USP8: variants seen among roughly 807,000 people sequenced by gnomAD.
The protein encoded by USP8 is ubiquitin specific peptidase 8, also known as ubiquitin carboxyl-terminal hydrolase 8.
In USP8, 27 loss-of-function variants were observed where a neutral mutation model predicts 130.0. The ratio of observed to expected loss-of-function variants is 0.21; its 90% CI spans 0.15 to 0.29. The LOEUF (loss-of-function observed/expected upper bound fraction) is 0.29. USP8 is among the 10% of genes least tolerant of loss of function. USP8 has a pLI of 1.00. For synonymous variants in USP8, 392 were observed against 444.1 expected, an observed-to-expected ratio of 0.88 and a Z score of 1.48; for missense variants, 1,029 against 1,312.2, an observed-to-expected ratio of 0.78 and a Z score of 3.33.
chr15:50,461,591 A>G (rs2051007863), intron 5 of USP8, among the ~76,000 whole-genome samples: 1 of 152,208 alleles, frequency 6.6e-6, no homozygotes, highest in Non-Finnish European at 1.5e-5. Context: ...ACAGCGGCTC[A>G]TGCCTATAAT....
chr15:50,449,628 C>A (rs909320027), intron 4 of USP8, 143 bp downstream of exon 4: 2 of 469,102 alleles, frequency 4.3e-6, no homozygotes, highest in African/African-American at 2.1e-5. Context: ...GTCGCCCATG[C>A]TGGAGTGCAG....
chr15:50,495,120 A>C (rs539026829), intron 16 of USP8, among the ~76,000 whole-genome samples: 1 of 151,910 alleles, frequency 6.6e-6, no homozygotes, highest in African/African-American at 2.4e-5. Context: ...CTCCATTTAC[A>C]TACTACAACT....
intron 3 of USP8, among the ~76,000 whole-genome samples, chr15:50,446,180 G>A (rs970297029): frequency 6.6e-6 from 1 of 152,160 alleles, no homozygotes; most frequent in Admixed American, 6.5e-5. Context: ...AACCTCAGAA[G>A]CAAACATTTT....
intron 12 of USP8, among the ~76,000 whole-genome samples, chr15:50,488,552 CTTTTTTTTTTTTTTTTTTTT>C (rs397853938): frequency 1.4e-5 from 1 of 70,894 alleles, no homozygotes; most frequent in Non-Finnish European, 2.5e-5. Context: ...TCAAGGTTGG[CTTTTTTTTTTTTTTTTTTTT>C]TTTTTTTTTG....
chr15:50,498,546 C>A, intron 18 of USP8, 50 bp from the exon 19 acceptor site: 1 of 1,528,726 alleles, frequency 6.5e-7, no homozygotes. Context: ...AATGAGGATT[C>A]ATCCTGGTAT....
intron 1 of USP8, among the ~76,000 whole-genome samples, chr15:50,426,078 G>A (rs1432208703): frequency 2.0e-5 from 3 of 152,112 alleles, no homozygotes; most frequent in African/African-American, 7.2e-5. Flanking sequence ...CCGAGATTGC[G>A]TCATTGCACT....
At chr15:50,480,733 T>G (rs941879525) in intron 10 of USP8, among the ~76,000 whole-genome samples, 6 of 151,790 alleles carry the variant, frequency 4.0e-5, no homozygotes, top group Admixed American at 1.3e-4. Context: ...ATGGTAAAGA[T>G]TTTAGGTGTA....
Position 50,471,694 on chromosome 15 carries a change from A to T in USP8, c.748A>T (p.Arg250Trp). The change falls in exon 8 of 20, where the codon AGG (arginine) becomes TGG (tryptophan). Residue 250 changes from arginine to tryptophan, a missense_variant. Around this residue, in one of 4 missense-constraint regions of USP8, gnomAD observed 281 missense variants for 336.7 expected, o/e 0.83. Transcript: ENST00000307179. ...TGATTCTAAAGACACATGGAAGAAG[A>T]GGGGGAATGTGGAGTATGTGGTACT... ...PDDSKDTWKK[R>W]GNVEYVVLLD... 1 of 1,614,048 alleles carries T rather than the reference A, an allele frequency of 6.2e-7. No individual in the cohort carries two copies. The highest frequency in any genetic ancestry group is 8.5e-7 in the Non-Finnish European group (1 of 1,179,990).
chr15:50,453,289 T>C (rs1329390251), intron 4 of USP8, among the ~76,000 whole-genome samples: 1 of 152,262 alleles, frequency 6.6e-6, no homozygotes, highest in Non-Finnish European at 1.5e-5. Flanking sequence ...TCATTCACTT[T>C]TGTTCCATTT....
chr15:50,442,842 C>T (rs1357014037), intron 3 of USP8, among the ~76,000 whole-genome samples: 3 of 152,100 alleles, frequency 2.0e-5, no homozygotes, highest in Non-Finnish European at 4.4e-5. Context: ...GCTGGGTTTA[C>T]CTTTACTTAG....
At chr15:50,497,347 C>A (rs896137718) in intron 18 of USP8, 116 bp downstream of exon 18, 8 of 1,312,438 alleles carry the variant, frequency 6.1e-6, no homozygotes, top group Non-Finnish European at 7.1e-6. Flanking sequence ...GGGCGATTAT[C>A]TGGTTACAGT....
rs34381291 is a variant in USP8, at chr15:50,495,017, TAAAAAAAA to T, written c.2658+750_2658+757del. Reference sequence around the variant, plus strand: ...CTGGGCGACAGAGTGAGACTCTTTCTAAAAAAAAAAAAAAAAAAAATTACTCCATGTAA... The same window carrying T: ...CTGGGCGACAGAGTGAGACTCTTTCTAAAAAAAAAAAATTACTCCATGTAA... On this transcript the variant is annotated intron_variant, in intron 16 of 19. Coordinates refer to ENST00000307179, the MANE Select transcript of USP8 (RefSeq NM_005154.5). 1.2e-4 allele frequency among the ~76,000 whole-genome samples: 14 copies of T among 113,514 alleles called. 1 individual carries two copies. Among genetic ancestry groups the T allele is most frequent in the Non-Finnish European group, 2.2e-4 (12 of 53,568 alleles). The allele number at this position is 113,514 out of a possible 152,430, so 74.5% of individuals were successfully genotyped here. A position where few individuals can be genotyped will look rare whatever the true frequency, so the allele number is the denominator to read the frequency against.
At position 50,441,352 on chromosome 15, in the gene USP8, T is replaced by C. The variant is rs1163279273; in HGVS notation, c.108T>C (p.Tyr36=). 5 of 1,581,038 alleles carry C rather than the reference T, an allele frequency of 3.2e-6. No homozygotes were observed. In the African/African-American group the frequency reaches 4.1e-5, roughly 13 times the overall value. ...TTATTTTTTCTCTAATTTTAAGTTATGTGCACAGTGCCCTGAAGATCTTTA... is the reference window on the plus strand; with the variant it reads ...TTATTTTTTCTCTAATTTTAAGTTACGTGCACAGTGCCCTGAAGATCTTTA... ...VKPEKISTKS[Y]VHSALKIFKT... is the part of the protein sequence containing the mutation. The change falls in exon 3 of 20, where the codon TAT becomes TAC. Residue 36 remains tyrosine (Y), a synonymous_variant. Transcript: ENST00000307179.
chr15:50,486,546 TCA>T (rs2051967777), intron 12 of USP8, among the ~76,000 whole-genome samples: 2 of 152,086 alleles, frequency 1.3e-5, no homozygotes, highest in South Asian at 2.1e-4. Flanking sequence ...CTGACTGAAT[TCA>T]CAGTTTTCTT....
chr15:50,472,412 A>G (rs1248165691), intron 8 of USP8, among the ~76,000 whole-genome samples: 1 of 150,314 alleles, frequency 6.7e-6, no homozygotes, highest in Non-Finnish European at 1.5e-5. Flanking sequence ...TGGCTAACAC[A>G]GTGAAACCCC....
At chr15:50,433,996 T>A (rs535036045) in intron 1 of USP8, among the ~76,000 whole-genome samples, 2 of 152,224 alleles carry the variant, frequency 1.3e-5, no homozygotes, top group Admixed American at 1.3e-4. Context: ...TTTGTCAGGT[T>A]TACACATCTT....
At chr15:50,460,058 C>G (rs1393915178) in intron 5 of USP8, among the ~76,000 whole-genome samples, 2 of 121,176 alleles carry the variant, frequency 1.7e-5, no homozygotes, top group South Asian at 2.9e-4. Flanking sequence ...AATGCAATGG[C>G]GTGATCTCGG....
chr15:50,495,302 AC>A (rs2052345059), intron 16 of USP8, among the ~76,000 whole-genome samples: 3 of 67,630 alleles, frequency 4.4e-5, no homozygotes, highest in Non-Finnish European at 8.6e-5. Flanking sequence ...ATACATATAT[AC>A]GTGTATATAT....
At chr15:50,463,722 G>C (rs561294643) in intron 6 of USP8, among the ~76,000 whole-genome samples, 21 of 152,148 alleles carry the variant, frequency 1.4e-4, no homozygotes, top group Non-Finnish European at 2.9e-5. Context: ...GATGGAAGGA[G>C]GACGATTGTT....
Sources: gnomAD v4.1 joint callset for allele counts (sites outside exome capture counted in the v4.1 genomes callset) on GRCh38, gnomAD v4.1.1 for gene constraint, gnomAD v4.1.1 regional missense constraint, MANE v1.5 for transcripts, NCBI Gene and HGNC (gene_info 2026-07-23, HGNC 2026-07-21) for gene names.